SSTR3: variants seen among roughly 807,000 people sequenced by gnomAD.
The protein encoded by SSTR3 is somatostatin receptor 3.
For missense variants in SSTR3, 504 were observed against 604.7 expected (o/e 0.83, Z 1.75); for synonymous variants, 281 against 269.2 (o/e 1.04, Z -0.43).
chr22:37,219,679 T>A, the SSTR3 span, among the ~76,000 whole-genome samples: 1 of 152,132 alleles, frequency 6.6e-6, no homozygotes, highest in Non-Finnish European at 1.5e-5. Flanking sequence ...GGTTTCAGTA[T>A]CAGTACCTGT....
At chr22:37,211,493 G>A (rs34989527) in intron 1 of SSTR3, among the ~76,000 whole-genome samples, 16 of 152,314 alleles carry the variant, frequency 1.1e-4, no homozygotes, top group East Asian at 7.7e-4. Flanking sequence ...AAACGGAGGC[G>A]TGCCAAGCAC....
chr22:37,219,096 G>T, the SSTR3 span, among the ~76,000 whole-genome samples: 1 of 152,196 alleles, frequency 6.6e-6, no homozygotes, highest in Non-Finnish European at 1.5e-5. Flanking sequence ...GTGTCTCCTG[G>T]CTTCTTTGAA....
chr22:37,211,886 TC>T lies in SSTR3; in HGVS notation c.-99del. On this transcript the variant is annotated 5_prime_UTR_variant, in exon 1 of 2. Transcript: ENST00000610913. ...GGCTGGTTATCATTCTGCTGTCCCC[TC>T]TCCCTGCCCAGTCCCCAGGTGCCCC... 5.1e-6 allele frequency: 5 copies of T among 985,722 alleles called. No individual in the cohort carries two copies. Among genetic ancestry groups the T allele is most frequent in the Non-Finnish European group, 6.0e-6 (5 of 830,206 alleles). 61.1% of individuals were successfully genotyped at this position (985,722 alleles called of 1,614,324 possible).
In SSTR3 at chr22:37,204,317, C is replaced by G. The variant is rs1206988653; in HGVS notation, c.*2230G>C. ...CCTAACTGGCCTCCCAGGGACCATT[C>G]TAGGACATTACTCTCCTGTCCTAGG... is the stretch of plus-strand genomic sequence containing the variant. On this transcript the variant is annotated 3_prime_UTR_variant, in exon 2 of 2. Transcript: ENST00000610913. 6.6e-6 allele frequency: 1 copy of G among 152,296 alleles called. No individual in the cohort carries two copies. The highest frequency in any genetic ancestry group is 2.4e-5 in the African/African-American group (1 of 41,440). 9.4% of individuals were successfully genotyped at this position (152,296 alleles called of 1,614,324 possible).
At chr22:37,213,779 C>T (rs910273921), upstream of SSTR3, among the ~76,000 whole-genome samples, 10 of 152,208 alleles carry the variant, frequency 6.6e-5, no homozygotes, top group Non-Finnish European at 1.2e-4. Flanking sequence ...CAGAATAAAG[C>T]TCTCTCGCCG....
Position 37,206,400 on chromosome 22 carries a change from G to T in SSTR3, c.*147C>A. 1 of 1,313,684 alleles carries T rather than the reference G, an allele frequency of 7.6e-7. No individual in the cohort carries two copies. The highest frequency in any genetic ancestry group is 1.5e-5 in the South Asian group (1 of 65,302). 81.4% of individuals were successfully genotyped at this position (1,313,684 alleles called of 1,614,324 possible). ...AGAGAGTAGAAGCAACCTACCCAAG[G>T]TCACACAGCAAGACCTGGCAGCAAT... is the stretch of plus-strand genomic sequence containing the variant. On this transcript the variant is annotated 3_prime_UTR_variant, in exon 2 of 2. Coordinates refer to ENST00000610913, the MANE Select transcript of SSTR3 (RefSeq NM_001051.5).
rs747027378 is a variant in SSTR3, at chr22:37,207,248, G to A, written c.556C>T (p.Arg186Cys). ...LPVVVFSGVP[R>C]GMSTCHMQWP... is the part of the protein sequence containing the mutation. The stretch of plus-strand genomic sequence containing the variant: ...TGCATGTGGCAGGTGCTCATGCCGC[G>A]GGGCACTCCCGAGAAGACCACCACG... The change falls in exon 2 of 2, where the codon CGC becomes TGC. Residue 186 changes from arginine (R) to cysteine (C), a missense_variant. Transcript: ENST00000610913. The A allele has an allele frequency of 1.1e-5, 17 of 1,605,402 alleles. No homozygotes were observed. The highest frequency in any genetic ancestry group is 8.4e-5 in the Admixed American group (5 of 59,414).
rs1360513006 is a variant in SSTR3, at chr22:37,208,076, T to C, written c.-36-237A>G. Among the ~76,000 whole-genome samples the C allele has an allele frequency of 7.2e-5, 11 of 152,138 alleles. No individual in the cohort carries two copies. The East Asian group carries it at 2.1e-3, about 29-fold the overall frequency. ...GAAACTGAGGCTCAGGGAGGTGAGGTGATCATTCTCCATCGTGGAGTGAGG... is the reference window on the plus strand; with the variant it reads ...GAAACTGAGGCTCAGGGAGGTGAGGCGATCATTCTCCATCGTGGAGTGAGG... On this transcript the variant is annotated intron_variant, in intron 1 of 1. Transcript: ENST00000610913.
Position 37,207,432 on chromosome 22 carries a change from G to A in SSTR3, c.372C>T (p.Gly124=), listed in dbSNP as rs1925894345. The A allele has an allele frequency of 6.2e-7, 1 of 1,613,526 alleles. No homozygotes were observed. Among genetic ancestry groups the A allele is most frequent in the Non-Finnish European group, 8.5e-7 (1 of 1,179,894 alleles). Residue 124 remains glycine, a synonymous_variant, in exon 2 of 2, where the codon GGC becomes GGT. Coordinates refer to ENST00000610913, the MANE Select transcript of SSTR3 (RefSeq NM_001051.5). ...LMCRLVMAVD[G]INQFTSIFCL... Reference sequence around the variant, plus strand: ...AGAATATGCTGGTGAACTGGTTGATGCCATCCACCGCCATGACCAGGCGGC... The same window carrying A: ...AGAATATGCTGGTGAACTGGTTGATACCATCCACCGCCATGACCAGGCGGC...
rs916543045 is a variant in SSTR3, at chr22:37,207,867, CA to C, written c.-36-29del. The C allele has an allele frequency of 7.6e-6, 11 of 1,451,332 alleles. No homozygotes were observed. In the African/African-American group the frequency reaches 1.4e-4, roughly 19 times the overall value. The allele number at this position is 1,451,332 out of a possible 1,614,324, so 89.9% of individuals were successfully genotyped here. On this transcript the variant is annotated intron_variant, in intron 1 of 1. Coordinates refer to ENST00000610913, the MANE Select transcript of SSTR3 (RefSeq NM_001051.5). ...GGGGGAAGGAAAAACAGCTCGGTCA[CA>C]GCAGAGAATGGCTTTCTCTGTGCTG...
At chr22:37,210,534 G>C (rs917971652) in intron 1 of SSTR3, 1 of 985,386 alleles carries the variant, frequency 1.0e-6, no homozygotes, top group African/African-American at 1.7e-5. Flanking sequence ...TTCCACGCAC[G>C]TAAGCCAGAC....
chr22:37,207,946 C>A, intron 1 of SSTR3, 107 bp from the exon 2 acceptor site: 2 of 1,344,930 alleles, frequency 1.5e-6, no homozygotes, highest in Non-Finnish European at 1.9e-6. Flanking sequence ...ATCCTCCCAT[C>A]GTCTGAGAGA....
rs1010377200 is a variant in SSTR3 at position 37,211,859 on chromosome 22, C to T, written c.-71G>A. 9 of 985,690 alleles carry T rather than the reference C, an allele frequency of 9.1e-6. No homozygotes were observed. Among genetic ancestry groups the T allele is most frequent in the Non-Finnish European group, 1.1e-5 (9 of 830,210 alleles). The allele number at this position is 985,690 out of a possible 1,614,324, so 61.1% of individuals were successfully genotyped here. A position where few individuals can be genotyped will look rare whatever the true frequency, so the allele number is the denominator to read the frequency against. ...GGGTGAGGGCTTCCCTCCTTGCCGC[C>T]AGGCTGGTTATCATTCTGCTGTCCC... On this transcript the variant is annotated 5_prime_UTR_variant, in exon 1 of 2. Transcript: ENST00000610913.
At chr22:37,214,063 G>A (rs915062824), upstream of SSTR3, among the ~76,000 whole-genome samples, 2 of 152,126 alleles carry the variant, frequency 1.3e-5, no homozygotes, top group African/African-American at 2.4e-5. Flanking sequence ...AAGGTTAAAG[G>A]AGTGAATGCT....
chr22:37,220,380 C>T, the SSTR3 span, among the ~76,000 whole-genome samples: 2 of 152,076 alleles, frequency 1.3e-5, no homozygotes, highest in Admixed American at 6.6e-5. Context: ...GACAAAACCC[C>T]GTCTCTACTA....
chr22:37,210,414 C>A, intron 1 of SSTR3: 1 of 697,460 alleles, frequency 1.4e-6, no homozygotes, highest in Non-Finnish European at 1.8e-6. Flanking sequence ...GTCGCCCCTC[C>A]CAGAACCCCT....
In SSTR3 at chr22:37,207,107, C is replaced by T; in HGVS notation, c.697G>A (p.Val233Met). The T allele has an allele frequency of 6.2e-7, 1 of 1,612,582 alleles. No individual in the cohort carries two copies. Among genetic ancestry groups the T allele is most frequent in the Non-Finnish European group, 8.5e-7 (1 of 1,179,686 alleles). Residue 233 changes from valine to methionine, a missense_variant, in exon 2 of 2, where the codon GTG becomes ATG. Val to Met is a conservative substitution (Grantham distance 21). Coordinates refer to ENST00000610913, the MANE Select transcript of SSTR3 (RefSeq NM_001051.5). ...CLCYLLIVVK[V>M]RSAGRRVWAP... Reference sequence around the variant, plus strand: ...CACACCCGGCGCCCAGCTGAGCGCACCTTCACCACGATGAGCAGGTAGCAG... The same window carrying T: ...CACACCCGGCGCCCAGCTGAGCGCATCTTCACCACGATGAGCAGGTAGCAG...
chr22:37,215,278 C>T (rs1353614196), upstream of SSTR3, among the ~76,000 whole-genome samples: 2 of 152,140 alleles, frequency 1.3e-5, no homozygotes, highest in Non-Finnish European at 2.9e-5. Context: ...AACAGGGTCT[C>T]CCTATGTTGG....
chr22:37,206,700 C>T lies in SSTR3; in HGVS notation c.1104G>A (p.Lys368=). ...GEESREGGKG[K]EMNGRVSQIT... ...TCTGGCTGACCCGGCCGTTCATCTC[C>T]TTCCCCTTGCCCCCCTCCCTGCTCT... The change falls in exon 2 of 2, where the codon AAG becomes AAA. Residue 368 remains lysine, a synonymous_variant. Coordinates refer to ENST00000610913, the MANE Select transcript of SSTR3 (RefSeq NM_001051.5). 1 of 1,608,916 alleles carries T rather than the reference C, an allele frequency of 6.2e-7. No individual in the cohort carries two copies. Among genetic ancestry groups the T allele is most frequent in the Non-Finnish European group, 8.5e-7 (1 of 1,179,940 alleles).
Sources: gnomAD v4.1 joint callset for allele counts (sites outside exome capture counted in the v4.1 genomes callset) on GRCh38, gnomAD v4.1.1 for gene constraint, MANE v1.5 for transcripts, NCBI Gene and HGNC (gene_info 2026-07-23, HGNC 2026-07-21) for gene names.